The following MDGA2 variants were observed in gnomAD, a reference collection of about 807,000 sequenced individuals.
The protein encoded by MDGA2 is MAM domain-containing glycosylphosphatidylinositol anchor protein 2.
MDGA2 carries 40 observed loss-of-function variants against 117.8 expected under a neutral mutation model. The observed-to-expected ratio is 0.34, with a 90% CI of 0.26 to 0.44. MDGA2 has a LOEUF of 0.44. Ranked by LOEUF, MDGA2 falls within the 20% of genes least tolerant of loss-of-function variation. The pLI is 1.00. For synonymous variants in MDGA2, 452 were observed against 439.0 expected (o/e 1.03, Z -0.37); for missense variants, 1,123 against 1,250.6 (o/e 0.90, Z 1.54).
chr14:47,543,349 T>C (rs1381552987), intron 1 of MDGA2, among the ~76,000 whole-genome samples: 1 of 152,176 alleles, frequency 6.6e-6, no homozygotes, highest in Non-Finnish European at 1.5e-5. Flanking sequence ...ATTGCAATTA[T>C]GAAAGTGTGA....
chr14:47,411,458 G>C (rs1031384907), intron 1 of MDGA2, among the ~76,000 whole-genome samples: 1 of 152,136 alleles, frequency 6.6e-6, no homozygotes, highest in African/African-American at 2.4e-5. Context: ...TAGGGAGACT[G>C]TAGCCAAACT....
At chr14:47,473,532 A>G (rs1017246838) in intron 1 of MDGA2, among the ~76,000 whole-genome samples, 2 of 152,216 alleles carry the variant, frequency 1.3e-5, no homozygotes, top group African/African-American at 4.8e-5. Context: ...CAATAAATTA[A>G]TATTAACCTC....
intron 6 of MDGA2, among the ~76,000 whole-genome samples, chr14:47,070,591 C>T (rs899022908): frequency 2.0e-5 from 3 of 151,228 alleles, no homozygotes; most frequent in Admixed American, 6.6e-5. Context: ...TCTTCCAGTA[C>T]TTTTTTTTTA....
intron 1 of MDGA2, among the ~76,000 whole-genome samples, chr14:47,611,492 A>G (rs759576409): frequency 6.6e-6 from 1 of 151,960 alleles, no homozygotes; most frequent in African/African-American, 2.4e-5. Context: ...AATCGACAAC[A>G]AACTCAAAAA....
intron 1 of MDGA2, among the ~76,000 whole-genome samples, chr14:47,577,462 C>A (rs1236026419): frequency 6.6e-6 from 1 of 152,120 alleles, no homozygotes; most frequent in Non-Finnish European, 1.5e-5. Context: ...AACTAAAAAG[C>A]TTCTGCACAG....
chr14:47,104,799 A>G lies in MDGA2; in HGVS notation c.926-7676T>C, dbSNP rs185478199. ...TCAGGTCCTCAGACCGACCAGCCCA[A>G]GAAACAAACATCTCACCAATTTCAA... On this transcript the variant is annotated intron_variant, in intron 5 of 16. Transcript: ENST00000399232. Among the ~76,000 whole-genome samples, 526 of 152,220 alleles carry G rather than the reference A, an allele frequency of 3.5e-3. 1 individual carries two copies. The highest frequency in any genetic ancestry group is 0.012 in the African/African-American group (503 of 41,540).
Position 47,628,033 on chromosome 14 carries a change from G to A in MDGA2, c.280+46484C>T, listed in dbSNP as rs367838506. ...CAACAACCCACCAATTCCGGACACA[G>A]TACCACCTGCCATAGTTTTGGGGTT... On this transcript the variant is annotated intron_variant, in intron 1 of 16. Coordinates refer to ENST00000399232, the MANE Select transcript of MDGA2 (RefSeq NM_001113498.3). Among the ~76,000 whole-genome samples, 151 of 152,264 alleles carry A rather than the reference G, an allele frequency of 9.9e-4. 3 individuals are homozygous for A. In the South Asian group the frequency reaches 0.029, roughly 30 times the overall value.
intron 1 of MDGA2, among the ~76,000 whole-genome samples, chr14:47,657,168 C>T (rs189706096): frequency 1.3e-5 from 2 of 152,156 alleles, no homozygotes; most frequent in East Asian, 1.9e-4. Flanking sequence ...TCAGAAATTA[C>T]GGGGCAAAGA....
intron 7 of MDGA2, chr14:47,059,022 C>A: frequency 1.0e-6 from 1 of 1,000,344 alleles, no homozygotes; most frequent in Non-Finnish European, 1.2e-6. Context: ...AACATTAAGT[C>A]ACTATAAATT....
chr14:47,106,712 C>T (rs373505729), intron 5 of MDGA2, among the ~76,000 whole-genome samples: 5 of 151,786 alleles, frequency 3.3e-5, no homozygotes, highest in South Asian at 2.1e-4. Flanking sequence ...GCCGAGCTTC[C>T]GGTAACTCTC....
intron 1 of MDGA2, among the ~76,000 whole-genome samples, chr14:47,571,356 A>G (rs1247889517): frequency 6.6e-6 from 1 of 152,216 alleles, no homozygotes; most frequent in African/African-American, 2.4e-5. Flanking sequence ...CAATTCCTCA[A>G]GGATCTAGAA....
intron 10 of MDGA2, among the ~76,000 whole-genome samples, chr14:46,917,078 A>C (rs568579423): frequency 3.9e-5 from 6 of 152,252 alleles, no homozygotes; most frequent in Admixed American, 3.9e-4. Flanking sequence ...TTACTGATCC[A>C]ATCAAGAAGG....
chr14:47,393,674 A>T (rs1594834405), intron 1 of MDGA2, among the ~76,000 whole-genome samples: 3 of 152,120 alleles, frequency 2.0e-5, no homozygotes, highest in Admixed American at 2.0e-4. Flanking sequence ...TTCCTTCAAA[A>T]TTTTATAAGC....
intron 8 of MDGA2, among the ~76,000 whole-genome samples, chr14:47,001,653 C>A (rs1476735317): frequency 6.6e-6 from 1 of 152,006 alleles, no homozygotes; most frequent in Non-Finnish European, 1.5e-5. Context: ...AAACTGCAAA[C>A]TACACAAAAT....
At chr14:46,909,173 T>C (rs1883605698) in intron 10 of MDGA2, among the ~76,000 whole-genome samples, 1 of 152,174 alleles carries the variant, frequency 6.6e-6, no homozygotes, top group African/African-American at 2.4e-5. Context: ...TACATTTAAT[T>C]GCAAAAGATG....
intron 8 of MDGA2, among the ~76,000 whole-genome samples, chr14:47,027,627 TTATATA>T (rs145057227): frequency 6.9e-6 from 1 of 145,934 alleles, no homozygotes; most frequent in African/African-American, 2.5e-5. Context: ...ATATTATATA[TTATATA>T]TATATATATA....
At chr14:47,457,403 C>A (rs1479859023) in intron 1 of MDGA2, among the ~76,000 whole-genome samples, 1 of 152,158 alleles carries the variant, frequency 6.6e-6, no homozygotes, top group Non-Finnish European at 1.5e-5. Context: ...AGTACAAACT[C>A]ATTACCCTTC....
At chr14:47,500,256 A>C (rs1217998167) in intron 1 of MDGA2, among the ~76,000 whole-genome samples, 1 of 152,072 alleles carries the variant, frequency 6.6e-6, no homozygotes. Flanking sequence ...TGAACAATTG[A>C]CCATTTAGAG....
chr14:47,597,837 C>CACACACAT (rs1039363908), intron 1 of MDGA2, among the ~76,000 whole-genome samples: 1 of 109,980 alleles, frequency 9.1e-6, no homozygotes, highest in East Asian at 2.9e-4. Flanking sequence ...ACGCACACCA[C>CACACACAT]ACACACATAC....
Sources: gnomAD v4.1 joint callset for allele counts (sites outside exome capture counted in the v4.1 genomes callset) on GRCh38, gnomAD v4.1.1 for gene constraint, MANE v1.5 for transcripts, NCBI Gene and HGNC (gene_info 2026-07-23, HGNC 2026-07-21) for gene names.